METTL2B: variants seen among roughly 807,000 people sequenced by gnomAD.
METTL2B encodes the protein tRNA N(3)-cytidine methyltransferase METTL2B.
In METTL2B, 28 loss-of-function variants were observed where a neutral mutation model predicts 51.0. That is an observed-to-expected ratio of 0.55 (90% CI 0.41 to 0.75). The LOEUF (loss-of-function observed/expected upper bound fraction) is 0.75, where lower values mean the gene tolerates loss of function less well. Ranked by LOEUF, METTL2B falls within the 30% of genes least tolerant of loss-of-function variation. METTL2B has a pLI of 0.00. For synonymous variants in METTL2B, 128 were observed against 166.3 expected, an observed-to-expected ratio of 0.77 and a Z score of 1.77; for missense variants, 313 against 460.7, an observed-to-expected ratio of 0.68 and a Z score of 2.93.
At chr7:128,492,871 C>T (rs1160668082) in intron 5 of METTL2B, among the ~76,000 whole-genome samples, 3 of 152,046 alleles carry the variant, frequency 2.0e-5, no homozygotes, top group African/African-American at 7.2e-5. Context: ...GCGCCTCGGC[C>T]TCCCAAAGTG....
intron 7 of METTL2B, among the ~76,000 whole-genome samples, chr7:128,498,496 A>T (rs1002694497): frequency 4.6e-4 from 67 of 145,240 alleles, no homozygotes; most frequent in South Asian, 8.8e-4. Context: ...GTATAATTTT[A>T]AAAAAAAAAA....
At chr7:128,495,757 C>T (rs780545056) in intron 6 of METTL2B, among the ~76,000 whole-genome samples, 4 of 152,126 alleles carry the variant, frequency 2.6e-5, no homozygotes, top group African/African-American at 4.8e-5. Context: ...CTGACCAAAA[C>T]TATCTTCTCA....
chr7:128,477,837 G>T (rs1799822353), intron 2 of METTL2B: 1 of 335,112 alleles, frequency 3.0e-6, no homozygotes, highest in Non-Finnish European at 6.3e-6. Context: ...CAACAAAAAG[G>T]TTCCAGTTAC....
intron 4 of METTL2B, among the ~76,000 whole-genome samples, chr7:128,481,352 C>A (rs1279608719): frequency 4.6e-5 from 7 of 152,230 alleles, no homozygotes; most frequent in African/African-American, 1.7e-4. Flanking sequence ...GACTGCCCCC[C>A]ACTTCAGATG....
At position 128,502,676 on chromosome 7, in the gene METTL2B, A is replaced by T. The variant is rs559279232; in HGVS notation, c.*760A>T. The T allele has an allele frequency of 4.6e-4, 203 of 443,720 alleles. No homozygotes were observed. Among genetic ancestry groups the T allele is most frequent in the African/African-American group, 3.9e-3 (192 of 49,144 alleles). 27.5% of individuals were successfully genotyped at this position (443,720 alleles called of 1,614,324 possible). On this transcript the variant is annotated 3_prime_UTR_variant, in exon 9 of 9. Coordinates refer to ENST00000262432, the MANE Select transcript of METTL2B (RefSeq NM_018396.3). ...CACTTTGGGAGGCCGAGGCGGGCAG[A>T]TCACCTGAGGTCAGGAGTTCGAGAC...
chr7:128,484,229 T>TGG (rs1468813996), intron 4 of METTL2B: 1 of 100,670 alleles, frequency 9.9e-6, no homozygotes. Flanking sequence ...TTTTTTTTTT[T>TGG]TTTTTTTTTT....
chr7:128,497,958 T>C, intron 6 of METTL2B, 78 bp from the exon 7 acceptor site: 1 of 1,473,886 alleles, frequency 6.8e-7, no homozygotes, highest in East Asian at 2.4e-5. Context: ...TCCACTGGCT[T>C]TTTGGGATAT....
At chr7:128,490,639 GC>G (rs770186373) in intron 5 of METTL2B, among the ~76,000 whole-genome samples, 1 of 151,764 alleles carries the variant, frequency 6.6e-6, no homozygotes, top group Non-Finnish European at 1.5e-5. Flanking sequence ...TCCTAGTTTT[GC>G]ACGTGGCCCC....
Position 128,496,199 on chromosome 7 carries a change from A to G in METTL2B, c.810-1837A>G, listed in dbSNP as rs142009498. 4.1e-3 allele frequency among the ~76,000 whole-genome samples: 619 copies of G among 152,262 alleles called. 4 individuals are homozygous for G. The highest frequency in any genetic ancestry group is 0.014 in the African/African-American group (586 of 41,546). On this transcript the variant is annotated intron_variant, in intron 6 of 8. Transcript: ENST00000262432. The stretch of plus-strand genomic sequence containing the variant: ...AACCTTAGAGGATGAGTGTGAAATA[A>G]AGGCATATGCAGGATAACCCAAAAG...
At position 128,485,243 on chromosome 7, in the gene METTL2B, A is replaced by G. The variant is rs1327470807; in HGVS notation, c.609-2858A>G. Among the ~76,000 whole-genome samples, 8 of 152,328 alleles carry G rather than the reference A, an allele frequency of 5.3e-5. No homozygotes were observed. The East Asian group carries it at 1.4e-3, about 26-fold the overall frequency. On this transcript the variant is annotated intron_variant, in intron 4 of 8. Coordinates refer to ENST00000262432, the MANE Select transcript of METTL2B (RefSeq NM_018396.3). ...TCAAGCAACCATGGATTGAAAATAA[A>G]TAGTATAGGCCAGGCGCAGTGGCCC...
At chr7:128,477,258 G>A (rs1799814694) in intron 2 of METTL2B, 85 bp downstream of exon 2, 11 of 1,558,660 alleles carry the variant, frequency 7.1e-6, no homozygotes, top group South Asian at 5.8e-5. Context: ...AACCGCGGCC[G>A]CCCACATCCT....
rs1793073452 is a variant in METTL2B, at chr7:128,503,803, G to T, written c.*1887G>T. 6.6e-6 allele frequency: 1 copy of T among 152,206 alleles called. No individual in the cohort carries two copies. The highest frequency in any genetic ancestry group is 6.5e-5 in the Admixed American group (1 of 15,268). 9.4% of individuals were successfully genotyped at this position (152,206 alleles called of 1,614,324 possible). On this transcript the variant is annotated 3_prime_UTR_variant, in exon 9 of 9. Coordinates refer to ENST00000262432, the MANE Select transcript of METTL2B (RefSeq NM_018396.3). ...ACTTGAGGTCAGGAGTTCCAGTCCA[G>T]CCCGGCTAACATAGTGAAACCCCGT...
chr7:128,483,883 C>T (rs2116846023), intron 4 of METTL2B: 1 of 152,364 alleles, frequency 6.6e-6, no homozygotes, highest in South Asian at 2.1e-4. Flanking sequence ...CGCCACCATA[C>T]CCAGCTAATT....
At position 128,493,928 on chromosome 7, in the gene METTL2B, C is replaced by CA. The variant is rs1792879503; in HGVS notation, c.795dup (p.Val266SerfsTer32). The stretch of plus-strand genomic sequence containing the variant: ...ATCATTCTCATATTTGTTCTTTCAG[C>CA]AGTTGTTCCAGACAAGTAAGTTTGG... On this transcript the variant is annotated frameshift_variant, in exon 6 of 9. Transcript: ENST00000262432. LOFTEE classifies it high-confidence loss of function. 1 of 1,599,968 alleles carries CA rather than the reference C, an allele frequency of 6.3e-7. No homozygotes were observed. The highest frequency in any genetic ancestry group is 1.1e-5 in the South Asian group (1 of 88,862).
In METTL2B at chr7:128,493,963, C is replaced by G. The variant is rs1163682539; in HGVS notation, c.809+20C>G. 1 of 1,588,372 alleles carries G rather than the reference C, an allele frequency of 6.3e-7. No homozygotes were observed. Among genetic ancestry groups the G allele is most frequent in the East Asian group, 2.2e-5 (1 of 44,720 alleles). ...AGACAAGTAAGTTTGGGTCCCTTAG[C>G]TGGTAGTGTCACAAAAAGAAAGCTT... On this transcript the variant is annotated intron_variant, in intron 6 of 8. Coordinates refer to ENST00000262432, the MANE Select transcript of METTL2B (RefSeq NM_018396.3).
At chr7:128,484,958 C>G (rs1792672938) in intron 4 of METTL2B, among the ~76,000 whole-genome samples, 1 of 152,080 alleles carries the variant, frequency 6.6e-6, no homozygotes, top group Non-Finnish European at 1.5e-5. Flanking sequence ...TTTCATCACC[C>G]CAAAAAGAAT....
At chr7:128,496,413 G>A (rs1792923600) in intron 6 of METTL2B, among the ~76,000 whole-genome samples, 1 of 152,078 alleles carries the variant, frequency 6.6e-6, no homozygotes, top group African/African-American at 2.4e-5. Flanking sequence ...TTAGCCAGGT[G>A]CATATTTGTA....
intron 3 of METTL2B, among the ~76,000 whole-genome samples, chr7:128,480,295 A>AT (rs1444635785): frequency 6.6e-6 from 1 of 152,168 alleles, no homozygotes; most frequent in Non-Finnish European, 1.5e-5. Flanking sequence ...CTTTTCATAC[A>AT]TTTTTCAGCA....
chr7:128,493,997 G>A, intron 6 of METTL2B, 54 bp downstream of exon 6: 2 of 1,582,932 alleles, frequency 1.3e-6, no homozygotes, highest in African/African-American at 1.4e-5. Flanking sequence ...TTTGGTGAGG[G>A]ACCTTTTTTT....
Sources: allele counts gnomAD v4.1 joint callset (sites outside exome capture counted in the v4.1 genomes callset), GRCh38; gene constraint gnomAD v4.1.1; transcripts MANE v1.5; gene names NCBI Gene and HGNC (gene_info 2026-07-23, HGNC 2026-07-21).